The following RIF1 variants were observed in gnomAD, a reference collection of about 807,000 sequenced individuals.
RIF1 encodes telomere-associated protein RIF1.
In RIF1, 45 loss-of-function variants were observed where a neutral mutation model predicts 247.1. That is an observed-to-expected ratio of 0.18 (90% CI 0.14 to 0.23). The LOEUF (loss-of-function observed/expected upper bound fraction) is 0.23. RIF1 is among the 10% of genes least tolerant of loss of function. RIF1 has a pLI of 1.00. For synonymous variants in RIF1, 1,087 were observed against 978.8 expected (o/e 1.11, Z -2.06); for missense variants, 2,967 against 2,862.5 (o/e 1.04, Z -0.83).
At position 151,468,124 on chromosome 2, in the gene RIF1, C is replaced by T. The variant is rs766013922; in HGVS notation, c.6725C>T (p.Thr2242Ile). 5 of 1,612,758 alleles carry T rather than the reference C, an allele frequency of 3.1e-6. No homozygotes were observed. Among genetic ancestry groups the T allele is most frequent in the Non-Finnish European group, 4.2e-6 (5 of 1,179,072 alleles). Residue 2242 changes from threonine (T) to isoleucine (I), a missense_variant, in exon 31 of 36, where the codon ACT (threonine) becomes ATT (isoleucine). Coordinates refer to ENST00000444746, the MANE Select transcript of RIF1 (RefSeq NM_018151.5). ...NSSPIGKSVKTSPTTQSKHNT... is the reference protein window; with the variant it reads ...NSSPIGKSVKISPTTQSKHNT... ...TCTCCCATAGGAAAAAGTGTTAAAA[C>T]TTCTCCTACTACACAATCTAAGGTA...
chr2:151,515,001 A>C, the RIF1 span: 1 of 890,438 alleles, frequency 1.1e-6, no homozygotes, highest in Non-Finnish European at 1.7e-6. Flanking sequence ...TCTCAGGAAG[A>C]AAAAAAAAAC....
At chr2:151,501,519 A>G in intron 11 of RIF1, 1 of 1,249,254 alleles carries the variant, frequency 8.0e-7, no homozygotes, top group Non-Finnish European at 1.1e-6. Flanking sequence ...ATCAACCTGG[A>G]CCCATCATTT....
rs2152991690 is a variant in RIF1 at position 151,498,281 on chromosome 2, G to GTGTT, written c.*514-1061_*514-1058dup. On this transcript the variant is annotated intron_variant and NMD_transcript_variant, in intron 10 of 13. Coordinates refer to the RIF1 transcript ENST00000454583. ...ATACCGAGCTAAGGTTTTCTTGATT[G>GTGTT]TGTTTGACTCTCTGCATCTCAGGAG... 2 of 1,551,430 alleles carry GTGTT rather than the reference G, an allele frequency of 1.3e-6. No homozygotes were observed. Among genetic ancestry groups the GTGTT allele is most frequent in the Non-Finnish European group, 1.7e-6 (2 of 1,146,836 alleles).
At chr2:151,442,939 T>G (rs1692615826) in intron 16 of RIF1, among the ~76,000 whole-genome samples, 1 of 151,608 alleles carries the variant, frequency 6.6e-6, no homozygotes, top group Non-Finnish European at 1.5e-5. Flanking sequence ...GCCCGGCTAG[T>G]TTTTTTGTAT....
chr2:151,480,509 T>C lies in RIF1; in HGVS notation c.*5438T>C, dbSNP rs567606761. 1 of 152,326 alleles carries C rather than the reference T, an allele frequency of 6.6e-6. No homozygotes were observed. The highest frequency in any genetic ancestry group is 1.9e-4 in the East Asian group (1 of 5,190). The allele number at this position is 152,326 out of a possible 1,614,324, so 9.4% of individuals were successfully genotyped here. On this transcript the variant is annotated 3_prime_UTR_variant, in exon 36 of 36. Transcript: ENST00000444746. ...ATAGCCTATAGTCTCTGAGAGCTAT[T>C]CTGTACATAGCACAGTATTATAATT...
the RIF1 span, chr2:151,534,145 C>T: frequency 3.9e-5 from 43 of 1,096,158 alleles, 1 homozygote; most frequent in Non-Finnish European, 4.9e-5. Flanking sequence ...TTGCAGCAGA[C>T]GGGATGACAT....
rs2123465 is a variant in RIF1, at chr2:151,463,604, G to A, written c.4084G>A (p.Val1362Met). ...CAATACAAAGCTTAAAGCAGCAACA[G>A]TGGAAAATGCTGTATTATTGGAAAC... is the stretch of plus-strand genomic sequence containing the variant. ...HDNTKLKAAT[V>M]ENAVLLETNT... The change falls in exon 30 of 36, where the codon GTG becomes ATG. Residue 1362 changes from valine (V) to methionine (M), a missense_variant. Val to Met is a conservative substitution (Grantham distance 21). Coordinates refer to ENST00000444746, the MANE Select transcript of RIF1 (RefSeq NM_018151.5). 1,070,344 of 1,613,280 alleles carry A rather than the reference G, an allele frequency of 0.66. 357,455 individuals are homozygous for A. Among genetic ancestry groups the A allele is most frequent in the East Asian group, 0.79 (35,636 of 44,858 alleles).
intron 9 of RIF1, chr2:151,492,346 C>G (rs1335904970): frequency 6.3e-7 from 1 of 1,589,546 alleles, no homozygotes; most frequent in Non-Finnish European, 8.6e-7. Context: ...TTTACACATT[C>G]TGACAGGCAG....
Position 151,416,882 on chromosome 2 carries a change from G to A in RIF1, c.484G>A (p.Ala162Thr). ...GCATTCTGCTGTTGTTGATTTTGAA[G>A]CATTAAATGTTATCGTAAGGTATGC... ...ETHSAVVDFE[A>T]LNVIVRLIEQ... is the part of the protein sequence containing the mutation. The change falls in exon 6 of 36, where the codon GCA becomes ACA. Residue 162 changes from alanine (A) to threonine (T), a missense_variant. By Grantham distance (58) the Ala-to-Thr change is moderately conservative. Transcript: ENST00000444746. 6.2e-7 allele frequency: 1 copy of A among 1,610,996 alleles called. No homozygotes were observed. The highest frequency in any genetic ancestry group is 8.5e-7 in the Non-Finnish European group (1 of 1,177,758).
Position 151,475,910 on chromosome 2 carries a change from C to G in RIF1, c.*839C>G, listed in dbSNP as rs141417607. 12 of 152,450 alleles carry G rather than the reference C, an allele frequency of 7.9e-5. No homozygotes were observed. The highest frequency in any genetic ancestry group is 2.9e-4 in the African/African-American group (12 of 41,392). 9.4% of individuals were successfully genotyped at this position (152,450 alleles called of 1,614,324 possible). ...ATATTAAATACTGAAATATCAGTATCGACGGTGGAAGTGCTTCATGGGCTT... is the reference window on the plus strand; with the variant it reads ...ATATTAAATACTGAAATATCAGTATGGACGGTGGAAGTGCTTCATGGGCTT... On this transcript the variant is annotated 3_prime_UTR_variant, in exon 36 of 36. Transcript: ENST00000444746.
intron 9 of RIF1, among the ~76,000 whole-genome samples, chr2:151,429,803 A>G (rs1001233434): frequency 2.0e-5 from 3 of 152,280 alleles, no homozygotes; most frequent in African/African-American, 7.2e-5. Flanking sequence ...TTCTGATAAT[A>G]TATTCACAAG....
At chr2:151,489,393 T>C (rs2054158862) in intron 9 of RIF1, among the ~76,000 whole-genome samples, 1 of 152,172 alleles carries the variant, frequency 6.6e-6, no homozygotes, top group Non-Finnish European at 1.5e-5. Flanking sequence ...GCACATTGCA[T>C]ACATCTATAC....
intron 11 of RIF1, among the ~76,000 whole-genome samples, chr2:151,436,217 C>G (rs1691169316): frequency 6.6e-6 from 1 of 151,870 alleles, no homozygotes; most frequent in African/African-American, 2.4e-5. Context: ...CAGAGTGAGA[C>G]TCAGTCTCAA....
chr2:151,460,947 A>C (rs2152486678), intron 26 of RIF1, among the ~76,000 whole-genome samples, 191 bp from the exon 27 acceptor site: 1 of 152,340 alleles, frequency 6.6e-6, no homozygotes, highest in South Asian at 2.1e-4. Context: ...AATACTGTCT[A>C]CTTTCTTAGT....
the RIF1 span, among the ~76,000 whole-genome samples, chr2:151,533,884 T>C: frequency 6.6e-6 from 1 of 152,238 alleles, no homozygotes; most frequent in Non-Finnish European, 1.5e-5. Context: ...TTTTTGTTTG[T>C]TTTTTGTTGT....
intron 9 of RIF1, among the ~76,000 whole-genome samples, chr2:151,494,657 T>C (rs1232406671): frequency 1.3e-5 from 2 of 152,176 alleles, no homozygotes; most frequent in Non-Finnish European, 2.9e-5. Flanking sequence ...TGTTTTGTTT[T>C]GTTTTTGAGA....
At position 151,465,518 on chromosome 2, in the gene RIF1, G is replaced by A; in HGVS notation, c.5998G>A (p.Asp2000Asn). The change falls in exon 30 of 36, where the codon GAT (aspartate) becomes AAT (asparagine). Residue 2000 changes from aspartate (D) to asparagine (N), a missense_variant. Physicochemically the swap from Asp to Asn is conservative, Grantham distance 23. Coordinates refer to ENST00000444746, the MANE Select transcript of RIF1 (RefSeq NM_018151.5). Reference sequence around the variant, plus strand: ...TGAACAAACAGCAGCTGGGGAACTAGATGGAGGAAATGATGTATCTGATCT... The same window carrying A: ...TGAACAAACAGCAGCTGGGGAACTAAATGGAGGAAATGATGTATCTGATCT... ...ISEQTAAGEL[D>N]GGNDVSDLHS... The A allele has an allele frequency of 6.2e-7, 1 of 1,606,318 alleles. No individual in the cohort carries two copies. Among genetic ancestry groups the A allele is most frequent in the Non-Finnish European group, 8.5e-7 (1 of 1,176,678 alleles).
chr2:151,512,316 G>A (rs913839358), downstream of RIF1, among the ~76,000 whole-genome samples: 9 of 151,750 alleles, frequency 5.9e-5, no homozygotes, highest in Admixed American at 1.3e-4. Context: ...ATACAGGCAT[G>A]AGCCACCATG....
chr2:151,471,239 T>C (rs145143189), intron 34 of RIF1, among the ~76,000 whole-genome samples: 9 of 152,250 alleles, frequency 5.9e-5, no homozygotes, highest in Admixed American at 2.6e-4. Flanking sequence ...GTTTTGAGGT[T>C]GAATAATTCT....
Sources: gnomAD v4.1 joint callset for allele counts (sites outside exome capture counted in the v4.1 genomes callset) on GRCh38, gnomAD v4.1.1 for gene constraint, MANE v1.5 for transcripts, NCBI Gene and HGNC (gene_info 2026-07-23, HGNC 2026-07-21) for gene names.